RECK: variants seen among roughly 807,000 people sequenced by gnomAD.
RECK encodes reversion-inducing cysteine-rich protein with Kazal motifs.
A neutral mutation model predicts 115.1 loss-of-function variants in RECK; 69 were observed. That is an observed-to-expected ratio of 0.60 (90% CI 0.49 to 0.73). The LOEUF is 0.73. RECK is among the 30% of genes least tolerant of loss of function. RECK has a pLI of 0.00. For missense variants in RECK, 1,047 were observed against 1,203.7 expected (o/e 0.87, Z 1.93); for synonymous variants, 414 against 419.7 (o/e 0.99, Z 0.17).
At position 36,119,870 on chromosome 9, in the gene RECK, C is replaced by T. The variant is rs576197877; in HGVS notation, c.2465-793C>T. Reference sequence around the variant, plus strand: ...GTTAAATCTCTGTCGTGTGAAAATACGGCATAATATTATATTTGATTATGC... The same window carrying T: ...GTTAAATCTCTGTCGTGTGAAAATATGGCATAATATTATATTTGATTATGC... On this transcript the variant is annotated intron_variant, in intron 18 of 20. Coordinates refer to ENST00000377966, the MANE Select transcript of RECK (RefSeq NM_021111.3). Among the ~76,000 whole-genome samples the T allele has an allele frequency of 4.6e-5, 7 of 152,250 alleles. No homozygotes were observed. The South Asian group carries it at 8.3e-4, about 18-fold the overall frequency.
chr9:36,082,597 T>C (rs1203307234), intron 7 of RECK, among the ~76,000 whole-genome samples: 4 of 152,212 alleles, frequency 2.6e-5, no homozygotes, highest in Non-Finnish European at 4.4e-5. Flanking sequence ...GCTACTCATC[T>C]AGCTCTCCCA....
chr9:36,037,548 G>T (rs1028006435), intron 1 of RECK, among the ~76,000 whole-genome samples: 5 of 151,886 alleles, frequency 3.3e-5, no homozygotes, highest in African/African-American at 1.2e-4. Flanking sequence ...GGTGAGCACT[G>T]ACGGTCCCCA....
intron 6 of RECK, among the ~76,000 whole-genome samples, chr9:36,073,833 T>C (rs1822340511): frequency 6.6e-6 from 1 of 152,200 alleles, no homozygotes; most frequent in Non-Finnish European, 1.5e-5. Flanking sequence ...CCACCTGGAA[T>C]TCCTTCTTCT....
intron 5 of RECK, 101 bp downstream of exon 5, chr9:36,063,981 A>G: frequency 9.5e-7 from 1 of 1,048,380 alleles, no homozygotes; most frequent in Non-Finnish European, 1.4e-6. Context: ...TTGCAGAGGT[A>G]ACCCGTAAAA....
chr9:36,057,151 TAA>T (rs34821500), intron 2 of RECK: 578 of 155,484 alleles, frequency 3.7e-3, no homozygotes, highest in South Asian at 6.3e-3. Context: ...CAGCATCAAT[TAA>T]AAAAAAAAAA....
chr9:36,050,941 T>C (rs1821272136), intron 1 of RECK, among the ~76,000 whole-genome samples: 1 of 152,160 alleles, frequency 6.6e-6, no homozygotes, highest in South Asian at 2.1e-4. Flanking sequence ...CCTTACTCTT[T>C]AACTTGTTTT....
chr9:36,086,006 C>T (rs776324704), intron 8 of RECK: 2 of 151,922 alleles, frequency 1.3e-5, no homozygotes, highest in African/African-American at 4.8e-5. Flanking sequence ...GTAGAACAAC[C>T]GTCTCCATCT....
chr9:36,056,373 A>T (rs1247979535), intron 2 of RECK, among the ~76,000 whole-genome samples: 1 of 152,162 alleles, frequency 6.6e-6, no homozygotes, highest in African/African-American at 2.4e-5. Context: ...ATATATATGT[A>T]TTGCAGTTGG....
chr9:36,069,955 G>A (rs1822166002), intron 6 of RECK, among the ~76,000 whole-genome samples: 1 of 152,174 alleles, frequency 6.6e-6, no homozygotes, highest in African/African-American at 2.4e-5. Flanking sequence ...AAATGGTTCC[G>A]AAAGAAAGTA....
intron 10 of RECK, among the ~76,000 whole-genome samples, chr9:36,095,018 AAAT>A (rs1823285405): frequency 1.3e-5 from 2 of 152,380 alleles, no homozygotes; most frequent in African/African-American, 4.8e-5. Context: ...AAATCAATAA[AAAT>A]AAACTATATT....
chr9:36,100,850 C>T (rs1339596408), intron 11 of RECK, among the ~76,000 whole-genome samples: 1 of 152,110 alleles, frequency 6.6e-6, no homozygotes, highest in Admixed American at 6.6e-5. Context: ...TCTTATGGAA[C>T]TTAGTTCATG....
intron 8 of RECK, among the ~76,000 whole-genome samples, chr9:36,086,552 A>G (rs1822969182): frequency 1.3e-5 from 2 of 152,246 alleles, no homozygotes; most frequent in Non-Finnish European, 2.9e-5. Flanking sequence ...AAACTTCCAC[A>G]GCATGGAAAG....
intron 1 of RECK, among the ~76,000 whole-genome samples, chr9:36,046,256 G>A (rs1307259506): frequency 6.6e-6 from 1 of 152,034 alleles, no homozygotes; most frequent in Non-Finnish European, 1.5e-5. Flanking sequence ...GTTTTGTTTT[G>A]TTTTGTTGTA....
intron 11 of RECK, 91 bp downstream of exon 11, chr9:36,100,634 AC>A: frequency 1.0e-6 from 1 of 958,158 alleles, no homozygotes; most frequent in Non-Finnish European, 1.6e-6. Flanking sequence ...TTTCTCTCTT[AC>A]CACTTCCTTT....
chr9:36,080,491 G>A lies in RECK; in HGVS notation c.406-114G>A, dbSNP rs7045429. On this transcript the variant is annotated intron_variant, in intron 6 of 20. Transcript: ENST00000377966. ...TCTGTGTTTTCAGTCTTGGATTTAG[G>A]GAAGAATTAAATAGTTTTAATATCA... 7.5e-3 allele frequency: 6,401 copies of A among 848,718 alleles called. 251 individuals carry two copies. The African/African-American group carries it at 0.087, about 12-fold the overall frequency. 52.6% of individuals were successfully genotyped at this position (848,718 alleles called of 1,614,324 possible). A position where few individuals can be genotyped will look rare whatever the true frequency, so the allele number is the denominator to read the frequency against.
At chr9:36,040,906 G>A (rs138352785) in intron 1 of RECK, among the ~76,000 whole-genome samples, 134 of 152,204 alleles carry the variant, frequency 8.8e-4, no homozygotes, top group Middle Eastern at 3.4e-3. Context: ...AGGGTTGTAA[G>A]GTAAGGAAAG....
At chr9:36,110,729 C>T (rs1004784461) in intron 15 of RECK, among the ~76,000 whole-genome samples, 7 of 152,048 alleles carry the variant, frequency 4.6e-5, no homozygotes, top group Non-Finnish European at 1.0e-4. Flanking sequence ...GCTGCCCTTG[C>T]CCCCATTTCA....
intron 18 of RECK, among the ~76,000 whole-genome samples, chr9:36,119,555 G>A (rs918929745): frequency 3.3e-5 from 5 of 152,148 alleles, no homozygotes; most frequent in African/African-American, 1.2e-4. Flanking sequence ...TTTATTCCAA[G>A]TCTGCACAGA....
At chr9:36,122,778 A>C (rs1824508061) in intron 20 of RECK, 46 bp from the exon 21 acceptor site, 1 of 1,518,742 alleles carries the variant, frequency 6.6e-7, no homozygotes, top group Non-Finnish European at 9.1e-7. Context: ...TGATGTTGAA[A>C]ACGTTCTGTG....
Sources: allele counts gnomAD v4.1 joint callset (sites outside exome capture counted in the v4.1 genomes callset), GRCh38; gene constraint gnomAD v4.1.1; transcripts MANE v1.5; gene names NCBI Gene and HGNC (gene_info 2026-07-23, HGNC 2026-07-21).